THSD7A: variants seen among roughly 807,000 people sequenced by gnomAD.
THSD7A encodes thrombospondin type 1 domain containing 7A.
A neutral mutation model predicts 231.3 loss-of-function variants in THSD7A; 96 were observed. That is an observed-to-expected ratio of 0.41 (90% CI 0.35 to 0.49). The LOEUF is 0.49. Ranked by LOEUF, THSD7A falls within the 20% of genes least tolerant of loss-of-function variation. THSD7A has a pLI of 0.05. For synonymous variants in THSD7A, 940 were observed against 743.3 expected (o/e 1.26, Z -4.30); for missense variants, 2,290 against 2,070.2 (o/e 1.11, Z -2.06).
At chr7:11,392,968 A>G (rs4719273) in intron 23 of THSD7A, among the ~76,000 whole-genome samples, 63,763 of 152,090 alleles carry the variant, frequency 0.42, 14,233 homozygotes, top group African/African-American at 0.57. Flanking sequence ...CAGCTTCAGC[A>G]GAATTAAACA....
At chr7:11,801,383 A>C (rs78116156) in intron 1 of THSD7A, among the ~76,000 whole-genome samples, 6,622 of 152,100 alleles carry the variant, frequency 0.044, 480 homozygotes, top group African/African-American at 0.15. Context: ...AGTCTTTTAC[A>C]TACATTACTT....
intron 1 of THSD7A, among the ~76,000 whole-genome samples, chr7:11,792,582 T>A (rs1420937843): frequency 6.6e-6 from 1 of 151,942 alleles, no homozygotes. Flanking sequence ...CTCTGATCAT[T>A]TGTTCAGCCT....
intron 1 of THSD7A, among the ~76,000 whole-genome samples, chr7:11,732,659 G>C (rs2128157750): frequency 6.6e-6 from 1 of 151,750 alleles, no homozygotes; most frequent in South Asian, 2.1e-4. Flanking sequence ...CACCACAATA[G>C]CAAATTTGTT....
At chr7:11,607,876 G>A (rs1228975179) in intron 2 of THSD7A, among the ~76,000 whole-genome samples, 2 of 152,110 alleles carry the variant, frequency 1.3e-5, no homozygotes, top group Non-Finnish European at 2.9e-5. Flanking sequence ...GCCAGCTGGA[G>A]TGATCATATG....
chr7:11,784,045 A>G (rs978493461), intron 1 of THSD7A, among the ~76,000 whole-genome samples: 5 of 152,032 alleles, frequency 3.3e-5, no homozygotes, highest in Non-Finnish European at 5.9e-5. Flanking sequence ...ATAATATTAG[A>G]GTTAGCAAGT....
chr7:11,582,236 T>C (rs1250479575), intron 4 of THSD7A, among the ~76,000 whole-genome samples: 1 of 151,794 alleles, frequency 6.6e-6, no homozygotes, highest in Non-Finnish European at 1.5e-5. Context: ...TAATTATTAA[T>C]ACTTGATTAT....
intron 1 of THSD7A, among the ~76,000 whole-genome samples, chr7:11,758,059 A>C (rs1271337892): frequency 6.7e-6 from 1 of 149,372 alleles, no homozygotes; most frequent in African/African-American, 2.4e-5. Context: ...TTTAATCATC[A>C]CAAAGCCCCT....
At chr7:11,682,824 G>C (rs556571010) in intron 1 of THSD7A, among the ~76,000 whole-genome samples, 1 of 151,904 alleles carries the variant, frequency 6.6e-6, no homozygotes, top group East Asian at 1.9e-4. Context: ...TCTGCACATA[G>C]AACATATTCT....
chr7:11,426,582 A>G (rs755876281), intron 15 of THSD7A, 84 bp downstream of exon 15: 58 of 1,373,634 alleles, frequency 4.2e-5, no homozygotes, highest in Non-Finnish European at 5.0e-5. Flanking sequence ...AAGACAAAGC[A>G]AGAAGAGAAA....
At chr7:11,570,239 G>A (rs1790564864) in intron 4 of THSD7A, among the ~76,000 whole-genome samples, 1 of 152,124 alleles carries the variant, frequency 6.6e-6, no homozygotes, top group Admixed American at 6.6e-5. Context: ...AGTGAAATAA[G>A]CCAGGCACAG....
intron 2 of THSD7A, among the ~76,000 whole-genome samples, chr7:11,609,109 G>A (rs957458491): frequency 6.4e-5 from 9 of 139,716 alleles, no homozygotes; most frequent in Admixed American, 6.3e-4. Context: ...CCAGAATGAA[G>A]TTTCTGACAA....
chr7:11,743,498 T>C (rs1239399220), intron 1 of THSD7A, among the ~76,000 whole-genome samples: 1 of 151,986 alleles, frequency 6.6e-6, no homozygotes, highest in African/African-American at 2.4e-5. Context: ...CTCTTTTTTG[T>C]AGTCTAATAC....
At chr7:11,449,324 T>C (rs934470527) in intron 11 of THSD7A, among the ~76,000 whole-genome samples, 9 of 152,098 alleles carry the variant, frequency 5.9e-5, no homozygotes, top group Admixed American at 2.0e-4. Context: ...AGTTCCATAA[T>C]CTGGACCAAT....
At chr7:11,755,141 G>T (rs868603279) in intron 1 of THSD7A, among the ~76,000 whole-genome samples, 18 of 152,086 alleles carry the variant, frequency 1.2e-4, no homozygotes, top group African/African-American at 3.6e-4. Flanking sequence ...AGGGGGCGGA[G>T]GATTGAGGGC....
chr7:11,708,360 A>G lies in THSD7A; in HGVS notation c.191-71399T>C, dbSNP rs545131057. On this transcript the variant is annotated intron_variant, in intron 1 of 27. Transcript: ENST00000423059. ...TTTTCAAAGGTTTGAGAAAGTTTCCATATGTTTGTAAAACAAAATAACCAT... is the reference window on the plus strand; with the variant it reads ...TTTTCAAAGGTTTGAGAAAGTTTCCGTATGTTTGTAAAACAAAATAACCAT... 5.5e-4 allele frequency among the ~76,000 whole-genome samples: 83 copies of G among 150,880 alleles called. 1 individual carries two copies. The highest frequency in any genetic ancestry group is 1.8e-3 in the African/African-American group (75 of 41,390).
chr7:11,665,027 T>C (rs1309765712), intron 1 of THSD7A, among the ~76,000 whole-genome samples: 2 of 152,048 alleles, frequency 1.3e-5, no homozygotes, highest in Non-Finnish European at 2.9e-5. Context: ...CGATACCAAT[T>C]CCACAGGTAA....
chr7:11,426,148 GTATTAAAAA>G (rs961983212), intron 15 of THSD7A, among the ~76,000 whole-genome samples: 5 of 151,868 alleles, frequency 3.3e-5, no homozygotes, highest in Admixed American at 1.3e-4. Context: ...TTTAGTTGCT[GTATTAAAAA>G]TAGAACTAAA....
At chr7:11,746,470 T>A (rs1015498403) in intron 1 of THSD7A, among the ~76,000 whole-genome samples, 1 of 151,904 alleles carries the variant, frequency 6.6e-6, no homozygotes, top group Non-Finnish European at 1.5e-5. Flanking sequence ...ATCTAAAAAC[T>A]GTGACAGTTT....
intron 6 of THSD7A, among the ~76,000 whole-genome samples, chr7:11,506,774 TCTGATGTTCAGC>T (rs1787561810): frequency 6.6e-6 from 1 of 152,188 alleles, no homozygotes; most frequent in Non-Finnish European, 1.5e-5. Flanking sequence ...TTCTGGGAAT[TCTGATGTTCAGC>T]CTGCTCCCTG....
Sources: allele counts gnomAD v4.1 joint callset (sites outside exome capture counted in the v4.1 genomes callset), GRCh38; gene constraint gnomAD v4.1.1; transcripts MANE v1.5; gene names NCBI Gene and HGNC (gene_info 2026-07-23, HGNC 2026-07-21).